Variants in FAAH observed in about 807,000 individuals in gnomAD.
FAAH encodes the protein fatty-acid amide hydrolase 1.
A neutral mutation model predicts 69.7 loss-of-function variants in FAAH; 63 were observed. The observed-to-expected ratio is 0.90, with a 90% CI of 0.74 to 1.12. The LOEUF (loss-of-function observed/expected upper bound fraction) is 1.12, where lower values mean the gene tolerates loss of function less well. Among genes scored for constraint, FAAH ranks in the 50% most tolerant of loss-of-function variants. The pLI is 0.00. For missense variants in FAAH, 680 were observed against 755.0 expected (o/e 0.90, Z 1.16); for synonymous variants, 305 against 324.2 (o/e 0.94, Z 0.64).
intron 1 of FAAH, among the ~76,000 whole-genome samples, chr1:46,401,863 C>T (rs755770648): frequency 1.1e-4 from 16 of 152,000 alleles, no homozygotes; most frequent in Non-Finnish European, 1.8e-4. Context: ...CTGGGCAACA[C>T]GGCCAGACAC....
At position 46,412,220 on chromosome 1, in the gene FAAH, T is replaced by C. The variant is rs779375022; in HGVS notation, c.1434T>C (p.Ala478=). The change falls in exon 13 of 15, where the codon GCT becomes GCC. Residue 478 remains alanine (A), a synonymous_variant. Coordinates refer to ENST00000243167, the MANE Select transcript of FAAH (RefSeq NM_001441.3). Reference sequence around the variant, plus strand: ...TGCTGACCCCCATGCTGGCCCCTGCTCTGGACTTGAATGCCCCAGGCAGGG... The same window carrying C: ...TGCTGACCCCCATGCTGGCCCCTGCCCTGGACTTGAATGCCCCAGGCAGGG... The part of the protein sequence containing the change: ...DVVLTPMLAP[A]LDLNAPGRAT... 58 of 1,556,368 alleles carry C rather than the reference T, an allele frequency of 3.7e-5. 2 individuals carry two copies. In the South Asian group the frequency reaches 6.8e-4, roughly 18 times the overall value.
In FAAH at chr1:46,411,717, G is replaced by T; in HGVS notation, c.1356+66G>T. The T allele has an allele frequency of 4.4e-6, 7 of 1,577,300 alleles. No homozygotes were observed. The highest frequency in any genetic ancestry group is 1.3e-5 in the African/African-American group (1 of 74,178). ...GAGGGTGGAGTTGGACAGGGTACCCGCTAGCAGTGTCTCGTGGCCACTGCC... is the reference window on the plus strand; with the variant it reads ...GAGGGTGGAGTTGGACAGGGTACCCTCTAGCAGTGTCTCGTGGCCACTGCC... On this transcript the variant is annotated intron_variant, in intron 12 of 14. Coordinates refer to ENST00000243167, the MANE Select transcript of FAAH (RefSeq NM_001441.3). This position sits in a 1 kb window ranked among gnomAD's most constrained non-coding sequence, Gnocchi z 4.8.
rs747041315 is a variant in FAAH at position 46,406,042 on chromosome 1, A to G, written c.790A>G (p.Ser264Gly). Residue 264 changes from serine to glycine, a missense_variant, in exon 6 of 15, where the codon AGT (serine) becomes GGT (glycine). Coordinates refer to ENST00000243167, the MANE Select transcript of FAAH (RefSeq NM_001441.3). Reference protein sequence around the residue: ...LKPTGNRLSKSGLKGCVYGQE... With the variant: ...LKPTGNRLSKGGLKGCVYGQE... ...CATCTTATGTTTCTTATCCAGCAAG[A>G]GTGGCCTGAAGGGCTGTGTCTATGG... 2 of 1,614,132 alleles carry G rather than the reference A, an allele frequency of 1.2e-6. No homozygotes were observed. The highest frequency in any genetic ancestry group is 4.5e-5 in the East Asian group (2 of 44,876).
intron 7 of FAAH, 122 bp downstream of exon 7, chr1:46,406,490 G>A: frequency 7.0e-7 from 1 of 1,421,338 alleles, no homozygotes; most frequent in South Asian, 1.2e-5. Flanking sequence ...CTGAGGCCAG[G>A]GCGGGTTGCT....
chr1:46,411,531 A>C lies in FAAH; in HGVS notation c.1317-81A>C. ...GGGTCCACGGAGGGGTGAGATCTAG[A>C]GGGTTGGCAGTAGGGGTCTGATGTT... On this transcript the variant is annotated intron_variant, in intron 11 of 14. Transcript: ENST00000243167. The surrounding 1 kb of genome is among the most constrained non-coding windows in gnomAD (Gnocchi z 4.8). 6.8e-7 allele frequency: 1 copy of C among 1,475,232 alleles called. No individual in the cohort carries two copies. Among genetic ancestry groups the C allele is most frequent in the South Asian group, 1.2e-5 (1 of 85,436 alleles). 91.4% of individuals were successfully genotyped at this position (1,475,232 alleles called of 1,614,324 possible).
chr1:46,412,880 G>A (rs1348341262), intron 13 of FAAH, among the ~76,000 whole-genome samples, 195 bp from the exon 14 acceptor site: 1 of 152,184 alleles, frequency 6.6e-6, no homozygotes, highest in Non-Finnish European at 1.5e-5. Flanking sequence ...AAGGCATGGG[G>A]CAAACATCAG....
chr1:46,395,525 G>A (rs1032552577), intron 1 of FAAH, among the ~76,000 whole-genome samples: 11 of 152,198 alleles, frequency 7.2e-5, no homozygotes, highest in Admixed American at 2.0e-4. Context: ...GCTTGAAGAG[G>A]GGCTTTTCCT....
In FAAH at chr1:46,405,249, C is replaced by A; in HGVS notation, c.444+101C>A. On this transcript the variant is annotated intron_variant, in intron 3 of 14. Coordinates refer to ENST00000243167, the MANE Select transcript of FAAH (RefSeq NM_001441.3). This position sits in a 1 kb window ranked among gnomAD's most constrained non-coding sequence, Gnocchi z 4.1. Reference sequence around the variant, plus strand: ...TGGGCCCTTAGAGGAGGTATCAGGTCCAGAGGCCTTCCGAGGGGACACTGG... The same window carrying A: ...TGGGCCCTTAGAGGAGGTATCAGGTACAGAGGCCTTCCGAGGGGACACTGG... 6.2e-7 allele frequency: 1 copy of A among 1,610,556 alleles called. No homozygotes were observed. Among genetic ancestry groups the A allele is most frequent in the South Asian group, 1.1e-5 (1 of 90,842 alleles).
chr1:46,402,878 A>G (rs1664728639), intron 2 of FAAH, among the ~76,000 whole-genome samples: 1 of 151,908 alleles, frequency 6.6e-6, no homozygotes, highest in Non-Finnish European at 1.5e-5. Context: ...TTTTTAGTAG[A>G]GATGGGATTT....
intron 1 of FAAH, among the ~76,000 whole-genome samples, chr1:46,398,839 G>A (rs6429600): frequency 0.7 from 105,742 of 152,040 alleles, 37,198 homozygotes; most frequent in East Asian, 0.81. Context: ...CCGGATTCTT[G>A]GCTGTGTCCA....
At position 46,410,902 on chromosome 1, in the gene FAAH, C is replaced by T. The variant is rs764991953; in HGVS notation, c.1316+48C>T. 1.1e-5 allele frequency: 17 copies of T among 1,610,746 alleles called. No homozygotes were observed. Among genetic ancestry groups the T allele is most frequent in the African/African-American group, 5.3e-5 (4 of 74,862 alleles). On this transcript the variant is annotated intron_variant, in intron 11 of 14. Transcript: ENST00000243167. This position sits in a 1 kb window ranked among gnomAD's most constrained non-coding sequence, Gnocchi z 4.9. ...CTGCCGGCCCCTGCCTGTCCTGATC[C>T]GAGTCTGGGTCTGGGTAGTTTCTGA...
At chr1:46,408,417 T>C (rs772341008) in intron 7 of FAAH, 42 bp from the exon 8 acceptor site, 2 of 1,613,920 alleles carry the variant, frequency 1.2e-6, no homozygotes, top group Non-Finnish European at 1.7e-6. Flanking sequence ...CCTAGGGTTG[T>C]CTTCTCCTGA....
chr1:46,402,387 G>A (rs1036402043), intron 2 of FAAH, among the ~76,000 whole-genome samples, 183 bp downstream of exon 2: 1 of 152,256 alleles, frequency 6.6e-6, no homozygotes, highest in African/African-American at 2.4e-5. Flanking sequence ...GAGCCAGAGC[G>A]TGTGCGTGTG....
At chr1:46,407,236 G>C (rs1664816513) in intron 7 of FAAH, among the ~76,000 whole-genome samples, 1 of 152,124 alleles carries the variant, frequency 6.6e-6, no homozygotes, top group African/African-American at 2.4e-5. Flanking sequence ...GATCATCTCA[G>C]AGGGCAGGAA....
rs1242491940 is a variant in FAAH at position 46,413,523 on chromosome 1, G to A, written c.1688G>A (p.Arg563Gln). The A allele has an allele frequency of 8.7e-6, 14 of 1,614,094 alleles. No individual in the cohort carries two copies. The highest frequency in any genetic ancestry group is 2.2e-5 in the South Asian group (2 of 91,086). The change falls in exon 15 of 15, where the codon CGG becomes CAG. Residue 563 changes from arginine to glutamine, a missense_variant. Arg to Gln is a conservative substitution (Grantham distance 43). Coordinates refer to ENST00000243167, the MANE Select transcript of FAAH (RefSeq NM_001441.3). The stretch of plus-strand genomic sequence containing the variant: ...CCCTGGCAAGAAGAGTTGTGTCTGC[G>A]GTTCATGCGGGAGGTGGAGCGACTG... ...ALPWQEELCL[R>Q]FMREVERLMT...
rs1024224971 is a variant in FAAH at position 46,404,440 on chromosome 1, C to G, written c.310-574C>G. Among the ~76,000 whole-genome samples, 6 of 152,172 alleles carry G rather than the reference C, an allele frequency of 3.9e-5. No homozygotes were observed. Among genetic ancestry groups the G allele is most frequent in the Non-Finnish European group, 7.3e-5 (5 of 68,036 alleles). Reference sequence around the variant, plus strand: ...ATTTCCACTATTAGCATGTTCTTCCCTTTTGTCAAGCTCCTACTCCACATG... The same window carrying G: ...ATTTCCACTATTAGCATGTTCTTCCGTTTTGTCAAGCTCCTACTCCACATG... On this transcript the variant is annotated intron_variant, in intron 2 of 14. Coordinates refer to ENST00000243167, the MANE Select transcript of FAAH (RefSeq NM_001441.3). The surrounding 1 kb of genome is among the most constrained non-coding windows in gnomAD (Gnocchi z 4.5).
In FAAH at chr1:46,406,057, T is replaced by C. The variant is rs1401132196; in HGVS notation, c.805T>C (p.Cys269Arg). The change falls in exon 6 of 15, where the codon TGT becomes CGT. Residue 269 changes from cysteine (C) to arginine (R), a missense_variant. Physicochemically the swap from Cys to Arg is radical, Grantham distance 180 (BLOSUM62 -3). Coordinates refer to ENST00000243167, the MANE Select transcript of FAAH (RefSeq NM_001441.3). ...ATCCAGCAAGAGTGGCCTGAAGGGC[T>C]GTGTCTATGGACAGGAGGCAGGTGA... ...NRLSKSGLKGCVYGQEAVRLS... is the reference protein window; with the variant it reads ...NRLSKSGLKGRVYGQEAVRLS... The C allele has an allele frequency of 6.2e-7, 1 of 1,614,106 alleles. No individual in the cohort carries two copies. The highest frequency in any genetic ancestry group is 8.5e-7 in the Non-Finnish European group (1 of 1,180,050).
chr1:46,413,154 G>A lies in FAAH; in HGVS notation c.1545G>A (p.Glu515=). Residue 515 remains glutamate, a synonymous_variant, in exon 14 of 15, where the codon GAG becomes GAA. Coordinates refer to ENST00000243167, the MANE Select transcript of FAAH (RefSeq NM_001441.3). The stretch of plus-strand genomic sequence containing the variant: ...TGCCTGTCACCACGGTGACTGCTGA[G>A]GACGAGGCCCAGATGGAACATTACA... ...GVVPVTTVTA[E]DEAQMEHYRG... The A allele has an allele frequency of 1.2e-6, 2 of 1,614,186 alleles. No homozygotes were observed. The highest frequency in any genetic ancestry group is 2.2e-5 in the East Asian group (1 of 44,888).
chr1:46,405,108 A>G lies in FAAH; in HGVS notation c.404A>G (p.Tyr135Cys), dbSNP rs149950037. ...CAGGCCCCAAGGCAGGGCCTGCTCT[A>G]TGGCGTCCCTGTGAGCCTCAAGGAG... ...LSQAPRQGLL[Y>C]GVPVSLKECF... The change falls in exon 3 of 15, where the codon TAT (tyrosine) becomes TGT (cysteine). Residue 135 changes from tyrosine to cysteine, a missense_variant. Coordinates refer to ENST00000243167, the MANE Select transcript of FAAH (RefSeq NM_001441.3). This position sits in a 1 kb window ranked among gnomAD's most constrained non-coding sequence, Gnocchi z 4.1. 2.7e-5 allele frequency: 44 copies of G among 1,613,786 alleles called. No homozygotes were observed. Among genetic ancestry groups the G allele is most frequent in the East Asian group, 8.9e-5 (4 of 44,878 alleles).
Sources: gnomAD v4.1 joint callset for allele counts (sites outside exome capture counted in the v4.1 genomes callset) on GRCh38, gnomAD v4.1.1 for gene constraint, Gnocchi (gnomAD v3.1) non-coding constraint, MANE v1.5 for transcripts, NCBI Gene and HGNC (gene_info 2026-07-23, HGNC 2026-07-21) for gene names.